Variants in XKR6 observed in about 807,000 individuals in gnomAD.
XKR6 encodes XK related 6, also known as XK-related protein 6.
A neutral mutation model predicts 56.7 loss-of-function variants in XKR6; 22 were observed. That is an observed-to-expected ratio of 0.39 (90% CI 0.28 to 0.55). The LOEUF (loss-of-function observed/expected upper bound fraction) is 0.55. Among genes scored for constraint, XKR6 ranks in the 20% least tolerant of loss-of-function variants. XKR6 has a pLI of 0.66. For missense variants in XKR6, 852 were observed against 889.0 expected, an observed-to-expected ratio of 0.96 and a Z score of 0.53; for synonymous variants, 524 against 387.8, an observed-to-expected ratio of 1.35 and a Z score of -4.13.
intron 1 of XKR6, among the ~76,000 whole-genome samples, chr8:10,956,318 A>G (rs183644425): frequency 0.017 from 683 of 39,716 alleles, 4 homozygotes; most frequent in African/African-American, 0.067. Flanking sequence ...CCCATCTGAA[A>G]GGCGCCCCGG....
intron 1 of XKR6, among the ~76,000 whole-genome samples, chr8:10,999,408 A>G (rs918958363): frequency 1.3e-5 from 2 of 152,272 alleles, no homozygotes; most frequent in African/African-American, 4.8e-5. Context: ...AATGTGAATG[A>G]AAATGCTACA....
intron 2 of XKR6, among the ~76,000 whole-genome samples, chr8:10,912,805 G>T (rs1027293976): frequency 6.8e-6 from 1 of 146,780 alleles, no homozygotes; most frequent in African/African-American, 2.5e-5. Context: ...TATATAGAGA[G>T]AGAGGCGAGT....
intron 1 of XKR6, among the ~76,000 whole-genome samples, chr8:11,018,057 CAT>C (rs1751380277): frequency 6.6e-6 from 1 of 152,204 alleles, no homozygotes; most frequent in Non-Finnish European, 1.5e-5. Flanking sequence ...AACCTATACA[CAT>C]GTGACAATCC....
intron 1 of XKR6, among the ~76,000 whole-genome samples, chr8:11,061,023 A>C (rs531768865): frequency 1.3e-5 from 2 of 152,294 alleles, no homozygotes; most frequent in South Asian, 2.1e-4. Context: ...CTGTATTCTG[A>C]AGCCAACGTC....
At chr8:10,944,789 T>A (rs929592289) in intron 1 of XKR6, among the ~76,000 whole-genome samples, 1 of 152,172 alleles carries the variant, frequency 6.6e-6, no homozygotes, top group Non-Finnish European at 1.5e-5. Context: ...GGGGCCCAGC[T>A]GCCAACCCAG....
chr8:10,899,260 T>C (rs1319074733), intron 2 of XKR6, among the ~76,000 whole-genome samples: 1 of 152,246 alleles, frequency 6.6e-6, no homozygotes, highest in African/African-American at 2.4e-5. Flanking sequence ...GCGATTCTTG[T>C]GGCACACAGA....
chr8:11,033,665 A>T (rs1373334737), intron 1 of XKR6, among the ~76,000 whole-genome samples: 1 of 152,122 alleles, frequency 6.6e-6, no homozygotes, highest in African/African-American at 2.4e-5. Context: ...GCCCCTTAGA[A>T]TTAGAAAGGC....
rs77660586 is a variant in XKR6 at position 11,112,430 on chromosome 8, T to A, written c.764+88146A>T. Among the ~76,000 whole-genome samples the A allele has an allele frequency of 6.2e-3, 940 of 152,150 alleles. 15 individuals carry two copies. The highest frequency in any genetic ancestry group is 0.022 in the African/African-American group (903 of 41,516). On this transcript the variant is annotated intron_variant, in intron 1 of 2. Transcript: ENST00000416569. ...TTTTTTGAAAAAGAAAAAAAAACAA[T>A]TTTTTGGCAAAAGAAATCAAAATTT... is the stretch of plus-strand genomic sequence containing the variant.
intron 1 of XKR6, among the ~76,000 whole-genome samples, chr8:11,144,920 G>A (rs1800903499): frequency 1.3e-5 from 2 of 150,082 alleles, no homozygotes; most frequent in African/African-American, 4.9e-5. Context: ...GGAAGGGAAA[G>A]AAGGAAAGGG....
At chr8:11,143,626 G>C (rs918710381) in intron 1 of XKR6, among the ~76,000 whole-genome samples, 1 of 152,180 alleles carries the variant, frequency 6.6e-6, no homozygotes, top group Non-Finnish European at 1.5e-5. Flanking sequence ...GAACTATAAA[G>C]AAATGTAAAG....
At chr8:11,147,595 G>A (rs1801049720) in intron 1 of XKR6, among the ~76,000 whole-genome samples, 1 of 150,668 alleles carries the variant, frequency 6.6e-6, no homozygotes, top group African/African-American at 2.5e-5. Flanking sequence ...GGCGGAGGTT[G>A]CAGTGAGCCA....
chr8:10,971,284 G>A (rs1486400465), intron 1 of XKR6, among the ~76,000 whole-genome samples: 1 of 151,710 alleles, frequency 6.6e-6, no homozygotes, highest in African/African-American at 2.4e-5. Context: ...AGCCAGGTGT[G>A]GTGGCGGGCA....
chr8:11,132,192 A>C (rs1800136871), intron 1 of XKR6, among the ~76,000 whole-genome samples: 1 of 152,038 alleles, frequency 6.6e-6, no homozygotes, highest in African/African-American at 2.4e-5. Flanking sequence ...TGATCTCATA[A>C]AATCAAGTAA....
chr8:11,003,991 C>T (rs1304388773), intron 1 of XKR6, among the ~76,000 whole-genome samples: 3 of 152,042 alleles, frequency 2.0e-5, no homozygotes, highest in East Asian at 1.9e-4. Context: ...GAAGGAAGGG[C>T]GGGTGGCTGT....
intron 1 of XKR6, among the ~76,000 whole-genome samples, chr8:10,960,169 G>A (rs1172214054): frequency 6.6e-6 from 1 of 152,226 alleles, no homozygotes; most frequent in Non-Finnish European, 1.5e-5. Context: ...GACACAGCAG[G>A]TGAGTGCAGG....
At chr8:11,164,914 C>T in intron 1 of XKR6, among the ~76,000 whole-genome samples, 1 of 152,068 alleles carries the variant, frequency 6.6e-6, no homozygotes, top group Non-Finnish European at 1.5e-5. Context: ...CAAAGGTCAT[C>T]CCACCTGCCT....
intron 1 of XKR6, chr8:11,137,840 G>A (rs1184878055): frequency 2.7e-6 from 1 of 366,880 alleles, no homozygotes; most frequent in African/African-American, 2.1e-5. Context: ...TTCAATTAAG[G>A]CAAATGAGGA....
At chr8:11,158,536 G>A (rs2117002370) in intron 1 of XKR6, among the ~76,000 whole-genome samples, 2 of 152,232 alleles carry the variant, frequency 1.3e-5, no homozygotes, top group South Asian at 4.1e-4. Flanking sequence ...AACAATTATG[G>A]AGCAACTAAA....
intron 1 of XKR6, among the ~76,000 whole-genome samples, chr8:11,008,992 A>G (rs551883574): frequency 6.6e-6 from 1 of 151,760 alleles, no homozygotes; most frequent in East Asian, 2.0e-4. Flanking sequence ...CTTTCCTTTT[A>G]GATTGTTGTC....
Sources: allele counts gnomAD v4.1 joint callset (sites outside exome capture counted in the v4.1 genomes callset), GRCh38; gene constraint gnomAD v4.1.1; transcripts MANE v1.5; gene names NCBI Gene and HGNC (gene_info 2026-07-23, HGNC 2026-07-21).